The following TCF25 variants were observed in gnomAD, a reference collection of about 807,000 sequenced individuals.
TCF25 encodes the protein TCF25 ribosome quality control complex subunit, also known as ribosome quality control complex subunit TCF25.
A neutral mutation model predicts 83.1 loss-of-function variants in TCF25; 41 were observed. The ratio of observed to expected loss-of-function variants is 0.49; its 90% CI spans 0.38 to 0.64. The LOEUF (loss-of-function observed/expected upper bound fraction) is 0.64, where lower values mean the gene tolerates loss of function less well. Among genes scored for constraint, TCF25 ranks in the 30% least tolerant of loss-of-function variants. The pLI is 0.00. For synonymous variants in TCF25, 458 were observed against 365.0 expected, an observed-to-expected ratio of 1.25 and a Z score of -2.90; for missense variants, 979 against 914.5, an observed-to-expected ratio of 1.07 and a Z score of -0.91.
intron 7 of TCF25, 122 bp downstream of exon 7, chr16:89,893,980 G>A (rs2043626246): frequency 2.8e-6 from 4 of 1,435,456 alleles, no homozygotes; most frequent in Non-Finnish European, 3.7e-6. Context: ...AACAGGAAGG[G>A]TGCCAGTCTC....
At position 89,911,224 on chromosome 16, in the gene TCF25, G is replaced by GGGGAGT; in HGVS notation, c.2022_2027dup (p.Glu674_Trp675dup). On this transcript the variant is annotated inframe_insertion, in exon 18 of 18. Transcript: ENST00000263346. ...GCACGAGGACGACGCTGAGGGGGAGGGGGAGTGGGACTGAGCGTCCGCAGA... is the reference window on the plus strand; with the variant it reads ...GCACGAGGACGACGCTGAGGGGGAGGGGGAGTGGGAGTGGGACTGAGCGTCCGCAGA... The GGGGAGT allele has an allele frequency of 1.2e-6, 2 of 1,612,456 alleles. No individual in the cohort carries two copies. The highest frequency in any genetic ancestry group is 2.2e-5 in the South Asian group (2 of 91,052).
intron 17 of TCF25, 61 bp from the exon 18 acceptor site, chr16:89,911,019 G>A (rs2045508634): frequency 2.5e-6 from 4 of 1,595,582 alleles, no homozygotes; most frequent in Non-Finnish European, 3.4e-6. Context: ...TCCTGCTTGG[G>A]CCCCGGGCCC....
chr16:89,911,227 G>T lies in TCF25; in HGVS notation c.2020G>T (p.Glu674Ter), dbSNP rs770549695. The stretch of plus-strand genomic sequence containing the variant: ...CGAGGACGACGCTGAGGGGGAGGGG[G>T]AGTGGGACTGAGCGTCCGCAGAGGT... ...PHEDDAEGEG[E>*]WD is the part of the protein sequence containing the mutation. Residue 674 changes from glutamate to a stop codon, truncating the protein, a stop_gained, in exon 18 of 18, where the codon GAG (glutamate) becomes TAG (stop). Coordinates refer to ENST00000263346, the MANE Select transcript of TCF25 (RefSeq NM_014972.3). LOFTEE classifies it high-confidence loss of function. 2 of 1,612,472 alleles carry T rather than the reference G, an allele frequency of 1.2e-6. No individual in the cohort carries two copies. The highest frequency in any genetic ancestry group is 2.2e-5 in the East Asian group (1 of 44,880).
chr16:89,873,650 T>A lies in TCF25; in HGVS notation c.-18T>A, dbSNP rs772368625. ...GCTTCCTTCTCCCTCTCTCCAGACG[T>A]CGTGGTCGTTCGGTCCTATGTCGCG... On this transcript the variant is annotated 5_prime_UTR_variant, in exon 1 of 18. Transcript: ENST00000263346. 1 of 1,553,952 alleles carries A rather than the reference T, an allele frequency of 6.4e-7. No homozygotes were observed. Among genetic ancestry groups the A allele is most frequent in the Non-Finnish European group, 8.7e-7 (1 of 1,155,716 alleles).
chr16:89,910,086 G>A (rs539410955), intron 16 of TCF25: 115 of 156,100 alleles, frequency 7.4e-4, no homozygotes, highest in Non-Finnish European at 1.2e-3. Context: ...GCGGTTCTTT[G>A]CTGCCTCCCT....
intron 14 of TCF25, 56 bp downstream of exon 14, chr16:89,905,152 C>T: frequency 6.7e-7 from 1 of 1,493,350 alleles, no homozygotes; most frequent in Non-Finnish European, 8.9e-7. Context: ...GACCCTCATC[C>T]CAGACACGGG....
chr16:89,889,205 ATTTTTATT>A (rs1567709916), intron 5 of TCF25: 5 of 396,942 alleles, frequency 1.3e-5, no homozygotes, highest in Non-Finnish European at 2.4e-5. Flanking sequence ...TTATTTATTT[ATTTTTATT>A]TTTTTATTTT....
intron 4 of TCF25, among the ~76,000 whole-genome samples, chr16:89,887,168 G>C (rs2043080073): frequency 6.6e-6 from 1 of 151,952 alleles, no homozygotes; most frequent in Non-Finnish European, 1.5e-5. Context: ...CAAAATGCTG[G>C]AATTACAGGT....
chr16:89,908,184 C>T (rs554152980), intron 16 of TCF25, among the ~76,000 whole-genome samples: 15 of 138,762 alleles, frequency 1.1e-4, no homozygotes, highest in African/African-American at 2.5e-4. Context: ...TTCCAGCTCC[C>T]GCCTCCCTCC....
rs763215608 is a variant in TCF25 at position 89,905,064 on chromosome 16, C to T, written c.1596C>T (p.Ala532=). The T allele has an allele frequency of 1.4e-5, 22 of 1,602,056 alleles. No homozygotes were observed. The highest frequency in any genetic ancestry group is 5.3e-5 in the African/African-American group (4 of 74,830). ...ACGAGGTTCTGCAAGCAGTGGACGC[C>T]GGGGACCCAGCCGTGGAAGCCTGTG... ...NVHEVLQAVD[A]GDPAVEACEN... The change falls in exon 14 of 18, where the codon GCC becomes GCT. Residue 532 remains alanine (A), a synonymous_variant. Coordinates refer to ENST00000263346, the MANE Select transcript of TCF25 (RefSeq NM_014972.3).
At chr16:89,910,094 C>T (rs975664421) in intron 16 of TCF25, 1 of 157,004 alleles carries the variant, frequency 6.4e-6, no homozygotes, top group African/African-American at 2.4e-5. Flanking sequence ...TTGCTGCCTC[C>T]CTCCGCTGTG....
intron 1 of TCF25, among the ~76,000 whole-genome samples, chr16:89,876,396 T>A (rs1382202757): frequency 6.6e-6 from 1 of 152,218 alleles, no homozygotes; most frequent in African/African-American, 2.4e-5. Context: ...TGAATGTGAA[T>A]GCATTGGTGA....
chr16:89,893,267 C>T (rs536910777), intron 6 of TCF25, among the ~76,000 whole-genome samples: 3 of 152,334 alleles, frequency 2.0e-5, no homozygotes, highest in South Asian at 2.1e-4. Context: ...GGTGGTCACA[C>T]GTTACAAAGC....
At chr16:89,892,720 C>T (rs2043530798) in intron 6 of TCF25, among the ~76,000 whole-genome samples, 1 of 152,214 alleles carries the variant, frequency 6.6e-6, no homozygotes, top group South Asian at 2.1e-4. Flanking sequence ...TGAATTGCAA[C>T]AGTGAAGACA....
rs1231469176 is a variant in TCF25 at position 89,885,857 on chromosome 16, C to T, written c.439C>T (p.Leu147=). ...GTTTTGGGGCTTTTAGGAAAACGGA[C>T]TAGAAGATATCGATCGCATCCTAGA... The part of the protein sequence containing the change: ...SSTGEASENG[L]EDIDRILERI... Residue 147 remains leucine, a synonymous_variant, in exon 4 of 18, where the codon CTA becomes TTA. Transcript: ENST00000263346. 6.2e-7 allele frequency: 1 copy of T among 1,610,284 alleles called. No individual in the cohort carries two copies. Among genetic ancestry groups the T allele is most frequent in the Non-Finnish European group, 8.5e-7 (1 of 1,176,802 alleles).
At position 89,873,783 on chromosome 16, in the gene TCF25, C is replaced by G. The variant is rs998701264; in HGVS notation, c.116C>G (p.Pro39Arg). The G allele has an allele frequency of 1.2e-6, 2 of 1,608,598 alleles. No homozygotes were observed. The highest frequency in any genetic ancestry group is 1.7e-6 in the Non-Finnish European group (2 of 1,178,384). ...RDDDDAEEEG[P>R]KRELGVRRPG... The stretch of plus-strand genomic sequence containing the variant: ...GACGATGACGCGGAAGAAGAAGGGC[C>G]CAAGCGGGAGCTTGGTGTCCGGCGT... The change falls in exon 1 of 18, where the codon CCC becomes CGC. Residue 39 changes from proline (P) to arginine (R), a missense_variant. Physicochemically the swap from Pro to Arg is moderately radical, Grantham distance 103 (BLOSUM62 -2). Transcript: ENST00000263346.
intron 11 of TCF25, among the ~76,000 whole-genome samples, chr16:89,899,087 G>A (rs753628180): frequency 1.2e-4 from 18 of 152,304 alleles, no homozygotes; most frequent in Middle Eastern, 3.4e-3. Context: ...CCTTATGTCA[G>A]AATCCTCATA....
chr16:89,885,654 A>G (rs1220529706), intron 3 of TCF25, among the ~76,000 whole-genome samples, 194 bp from the exon 4 acceptor site: 1 of 152,176 alleles, frequency 6.6e-6, no homozygotes, highest in Admixed American at 6.5e-5. Context: ...GATTCTGTCT[A>G]TGCTGAGCGC....
rs1157225285 is a variant in TCF25, at chr16:89,902,646, G to A, written c.1382-1472G>A. Among the ~76,000 whole-genome samples the A allele has an allele frequency of 4.1e-5, 6 of 145,118 alleles. 1 individual carries two copies. Among genetic ancestry groups the A allele is most frequent in the Non-Finnish European group, 7.7e-5 (5 of 65,010 alleles). On this transcript the variant is annotated intron_variant, in intron 12 of 17. Coordinates refer to ENST00000263346, the MANE Select transcript of TCF25 (RefSeq NM_014972.3). ...AGAGCTTGCAGTGAGCCGAGATCGCGCCACTGCACTCCAGCCTGGGCAACA... is the reference window on the plus strand; with the variant it reads ...AGAGCTTGCAGTGAGCCGAGATCGCACCACTGCACTCCAGCCTGGGCAACA...
Sources: gnomAD v4.1 joint callset for allele counts (sites outside exome capture counted in the v4.1 genomes callset) on GRCh38, gnomAD v4.1.1 for gene constraint, MANE v1.5 for transcripts, NCBI Gene and HGNC (gene_info 2026-07-23, HGNC 2026-07-21) for gene names.